Variants in DOCK1 observed in about 807,000 individuals in gnomAD.
DOCK1 encodes the protein dedicator of cytokinesis 1.
Under a neutral mutation model 262.7 loss-of-function variants are expected in DOCK1, and 138 were observed. The ratio of observed to expected loss-of-function variants is 0.53; its 90% CI spans 0.46 to 0.61. The LOEUF (loss-of-function observed/expected upper bound fraction) is 0.61, where lower values mean the gene tolerates loss of function less well. DOCK1 is among the 20% of genes least tolerant of loss of function. The probability of loss-of-function intolerance (pLI) is 0.00; values close to 1 mark genes in which losing one functional copy is unlikely to be tolerated. For missense variants in DOCK1, 1,908 were observed against 2,370.7 expected (o/e 0.80, Z 4.05); for synonymous variants, 866 against 867.4 (o/e 1.00, Z 0.03).
chr10:126,947,352 G>C (rs1251778827), intron 1 of DOCK1, among the ~76,000 whole-genome samples: 1 of 144,356 alleles, frequency 6.9e-6, no homozygotes, highest in African/African-American at 2.5e-5. Context: ...GGTGATGGTG[G>C]TGGTTGGTAG....
intron 42 of DOCK1, among the ~76,000 whole-genome samples, chr10:127,410,333 CA>C (rs1173903382): frequency 2.0e-5 from 3 of 152,120 alleles, no homozygotes; most frequent in Non-Finnish European, 4.4e-5. Flanking sequence ...GCCTGCATTT[CA>C]GTGCAGGGGA....
intron 1 of DOCK1, among the ~76,000 whole-genome samples, chr10:126,963,605 CT>C (rs2037403488): frequency 2.6e-4 from 16 of 62,064 alleles, no homozygotes; most frequent in Non-Finnish European, 2.5e-4. Flanking sequence ...CTTCCCTTCC[CT>C]TCCCTTCCCT....
intron 40 of DOCK1, among the ~76,000 whole-genome samples, chr10:127,406,535 T>C (rs145200155): frequency 0.015 from 2,326 of 152,324 alleles, 24 homozygotes; most frequent in Non-Finnish European, 0.025. Context: ...CCAATGACAC[T>C]GGCAGTTACC....
At position 127,055,864 on chromosome 10, in the gene DOCK1, G is replaced by A. The variant is rs531993991; in HGVS notation, c.2336+3049G>A. Reference sequence around the variant, plus strand: ...TCAGCTGCTCCTCGTGTTTGGGACAGGAAGTGTTTAGTGCTAAAGTCCTCT... The same window carrying A: ...TCAGCTGCTCCTCGTGTTTGGGACAAGAAGTGTTTAGTGCTAAAGTCCTCT... On this transcript the variant is annotated intron_variant, in intron 22 of 51. Transcript: ENST00000623213. Among the ~76,000 whole-genome samples the A allele has an allele frequency of 4.6e-5, 7 of 152,300 alleles. No individual in the cohort carries two copies. In the East Asian group the frequency reaches 1.2e-3, roughly 25 times the overall value.
chr10:127,273,610 G>A (rs1044983497), intron 29 of DOCK1, among the ~76,000 whole-genome samples: 5 of 152,194 alleles, frequency 3.3e-5, no homozygotes, highest in African/African-American at 7.2e-5. Context: ...AGCTGGGTGC[G>A]GTGGCTCACA....
At chr10:127,329,490 G>A (rs1307141592) in intron 29 of DOCK1, among the ~76,000 whole-genome samples, 1 of 151,406 alleles carries the variant, frequency 6.6e-6, no homozygotes, top group Non-Finnish European at 1.5e-5. Flanking sequence ...CTGGGGCAGA[G>A]GTCTCTGGGG....
intron 2 of DOCK1, among the ~76,000 whole-genome samples, chr10:126,971,102 G>A (rs896429409): frequency 8.6e-5 from 13 of 151,410 alleles, no homozygotes; most frequent in Admixed American, 5.9e-4. Flanking sequence ...ACAGGCTGGA[G>A]TGAGGTGGTG....
chr10:127,195,768 C>A (rs979782793), intron 27 of DOCK1, among the ~76,000 whole-genome samples: 1 of 152,166 alleles, frequency 6.6e-6, no homozygotes, highest in African/African-American at 2.4e-5. Context: ...CCCGGTCGCG[C>A]CAGATGCAGT....
intron 28 of DOCK1, among the ~76,000 whole-genome samples, chr10:127,255,274 C>T (rs2059791756): frequency 6.6e-6 from 1 of 152,094 alleles, no homozygotes; most frequent in Non-Finnish European, 1.5e-5. Flanking sequence ...GTGATGCACA[C>T]CTGTGGTCCC....
chr10:127,044,076 A>G (rs895580476), intron 21 of DOCK1, among the ~76,000 whole-genome samples: 1 of 152,234 alleles, frequency 6.6e-6, no homozygotes, highest in South Asian at 2.1e-4. Flanking sequence ...ACAGCAAAAC[A>G]TAAAGATTTA....
intron 1 of DOCK1, among the ~76,000 whole-genome samples, chr10:126,942,719 C>A (rs1167771265): frequency 2.6e-5 from 4 of 152,092 alleles, no homozygotes; most frequent in African/African-American, 4.8e-5. Context: ...TACACAAATT[C>A]ATTAAAAGAT....
Position 127,176,376 on chromosome 10 carries a change from C to T in DOCK1, c.2847+48612C>T, listed in dbSNP as rs763089897. Reference sequence around the variant, plus strand: ...CTCCGACGTTGTGAGTATGCATTTGCCGGTGTCCTTACTGACCATGGTTCC... The same window carrying T: ...CTCCGACGTTGTGAGTATGCATTTGTCGGTGTCCTTACTGACCATGGTTCC... On this transcript the variant is annotated intron_variant, in intron 27 of 51. Transcript: ENST00000623213. The surrounding 1 kb of genome is among the most constrained non-coding windows in gnomAD (Gnocchi z 4.4). 1.9e-6 allele frequency: 3 copies of T among 1,609,454 alleles called. No individual in the cohort carries two copies. Among genetic ancestry groups the T allele is most frequent in the Admixed American group, 1.7e-5 (1 of 59,880 alleles).
At chr10:127,379,268 C>T (rs1246134494) in intron 35 of DOCK1, among the ~76,000 whole-genome samples, 6 of 152,196 alleles carry the variant, frequency 3.9e-5, no homozygotes, top group Non-Finnish European at 4.4e-5. Flanking sequence ...TATTGCTCAA[C>T]CAGACGATAT....
chr10:127,026,380 G>A lies in DOCK1; in HGVS notation c.1580G>A (p.Arg527His), dbSNP rs150790785. 90 of 1,575,154 alleles carry A rather than the reference G, an allele frequency of 5.7e-5. No individual in the cohort carries two copies. The highest frequency in any genetic ancestry group is 5.3e-4 in the African/African-American group (39 of 74,236). The change falls in exon 16 of 52, where the codon CGC (arginine) becomes CAC (histidine). Residue 527 changes from arginine (R) to histidine (H), a missense_variant. Physicochemically the swap from Arg to His is conservative, Grantham distance 29 (BLOSUM62 0). Transcript: ENST00000623213. The part of the protein sequence containing the change: ...KVAIPIEDVN[R>H]SHLRFTFRHR... ...GCCATTCCCATCGAGGACGTTAACCGCAGTCACCTTCGGTTTACCTTCCGC... is the reference window on the plus strand; with the variant it reads ...GCCATTCCCATCGAGGACGTTAACCACAGTCACCTTCGGTTTACCTTCCGC...
chr10:126,915,207 G>A (rs1166331957), intron 1 of DOCK1, among the ~76,000 whole-genome samples: 2 of 152,178 alleles, frequency 1.3e-5, no homozygotes, highest in Non-Finnish European at 2.9e-5. Context: ...TTGGCGTTGA[G>A]CATAGAGGTT....
intron 29 of DOCK1, among the ~76,000 whole-genome samples, chr10:127,301,800 G>A (rs1372848103): frequency 6.6e-6 from 1 of 152,054 alleles, no homozygotes; most frequent in African/African-American, 2.4e-5. Context: ...AGAAAAATTA[G>A]CTGGGCATGG....
At chr10:127,203,178 G>A (rs1420043849) in intron 27 of DOCK1, among the ~76,000 whole-genome samples, 1 of 152,084 alleles carries the variant, frequency 6.6e-6, no homozygotes, top group Non-Finnish European at 1.5e-5. Flanking sequence ...CACAATATAC[G>A]TATCCCATCT....
At chr10:127,261,446 CATGT>C (rs1477977246) in intron 29 of DOCK1, among the ~76,000 whole-genome samples, 2 of 129,266 alleles carry the variant, frequency 1.5e-5, no homozygotes, top group African/African-American at 6.5e-5. Flanking sequence ...TGTGTACCTG[CATGT>C]GTGTGCGTGT....
intron 22 of DOCK1, among the ~76,000 whole-genome samples, chr10:127,058,356 A>G (rs1208918580): frequency 6.7e-6 from 1 of 149,826 alleles, no homozygotes; most frequent in Non-Finnish European, 1.5e-5. Context: ...TAGTATTTGC[A>G]TGGAATACCT....
Sources: gnomAD v4.1 joint callset for allele counts (sites outside exome capture counted in the v4.1 genomes callset) on GRCh38, gnomAD v4.1.1 for gene constraint, Gnocchi (gnomAD v3.1) non-coding constraint, MANE v1.5 for transcripts, NCBI Gene and HGNC (gene_info 2026-07-23, HGNC 2026-07-21) for gene names.